The following PATJ variants were observed in gnomAD, a reference collection of about 807,000 sequenced individuals.
PATJ encodes the protein PATJ crumbs cell polarity complex component, also known as inaD-like protein.
PATJ carries 190 observed loss-of-function variants against 224.9 expected under a neutral mutation model. The observed-to-expected ratio is 0.84, with a 90% CI of 0.75 to 0.95. PATJ has a LOEUF of 0.95. Ranked by LOEUF, PATJ falls within the 40% of genes least tolerant of loss-of-function variation. The probability of loss-of-function intolerance (pLI) is 0.00; values close to 1 mark genes in which losing one functional copy is unlikely to be tolerated. For synonymous variants in PATJ, 769 were observed against 820.3 expected (o/e 0.94, Z 1.07); for missense variants, 2,121 against 2,270.3 (o/e 0.93, Z 1.34).
chr1:62,157,544 A>G lies in PATJ; in HGVS notation c.5503-3364A>G, dbSNP rs1478595201. 2.0e-5 allele frequency among the ~76,000 whole-genome samples: 3 copies of G among 148,220 alleles called. 1 individual carries two copies. The highest frequency in any genetic ancestry group is 4.5e-5 in the Non-Finnish European group (3 of 66,696). ...ATCCGGTTGAAAACTTAAAAATCCA[A>G]GCCAGGAGGGGGATGATGGCTCATG... is the stretch of plus-strand genomic sequence containing the variant. On this transcript the variant is annotated intron_variant, in intron 43 of 43. Coordinates refer to ENST00000642238, the MANE Select transcript of PATJ (RefSeq NM_001350145.3).
At chr1:61,777,199 A>T (rs1253627906) in intron 7 of PATJ, among the ~76,000 whole-genome samples, 1 of 152,186 alleles carries the variant, frequency 6.6e-6, no homozygotes, top group East Asian at 1.9e-4. Flanking sequence ...ATAAAATTTG[A>T]GCTTAAGCAA....
chr1:61,780,199 C>T (rs1249872284), intron 7 of PATJ, among the ~76,000 whole-genome samples: 3 of 152,066 alleles, frequency 2.0e-5, no homozygotes, highest in Admixed American at 6.5e-5. Context: ...TGCAGTGGCT[C>T]ATGCCTGTAA....
chr1:61,990,027 C>T (rs3762446), intron 27 of PATJ, 141 bp from the exon 28 acceptor site: 7,921 of 644,122 alleles, frequency 0.012, 201 homozygotes, highest in South Asian at 0.071. Context: ...CTCCAGTCTG[C>T]GCAATATAGC....
At chr1:61,825,873 CTTT>C (rs1054910312) in intron 15 of PATJ, among the ~76,000 whole-genome samples, 1 of 152,116 alleles carries the variant, frequency 6.6e-6, no homozygotes, top group African/African-American at 2.4e-5. Context: ...ATCTCCGTGC[CTTT>C]TTTTAGTGTA....
chr1:61,979,647 G>A (rs989340533), intron 27 of PATJ, among the ~76,000 whole-genome samples: 1 of 111,110 alleles, frequency 9.0e-6, no homozygotes, highest in African/African-American at 3.6e-5. Flanking sequence ...GGGAGACTCC[G>A]TCTCAAAAGA....
chr1:62,109,942 G>A (rs1031999878), intron 34 of PATJ, among the ~76,000 whole-genome samples: 10 of 152,014 alleles, frequency 6.6e-5, no homozygotes, highest in African/African-American at 2.2e-4. Flanking sequence ...TTTGTATTAG[G>A]TAGACCCTCT....
chr1:61,817,440 G>T (rs1240921704), intron 14 of PATJ, among the ~76,000 whole-genome samples: 1 of 152,126 alleles, frequency 6.6e-6, no homozygotes, highest in Non-Finnish European at 1.5e-5. Flanking sequence ...GAGGTGGGTG[G>T]ATCACCTGAG....
At chr1:61,852,365 TC>T (rs1662967430) in intron 17 of PATJ, 1 of 152,196 alleles carries the variant, frequency 6.6e-6, no homozygotes, top group Admixed American at 6.5e-5. Flanking sequence ...AACACAATGT[TC>T]CTTGCAGTGT....
intron 6 of PATJ, among the ~76,000 whole-genome samples, chr1:61,773,189 T>A (rs1646716396): frequency 6.6e-6 from 1 of 151,938 alleles, no homozygotes; most frequent in Non-Finnish European, 1.5e-5. Context: ...ACCCGGCTAA[T>A]TTTTTTGTAC....
intron 42 of PATJ, among the ~76,000 whole-genome samples, chr1:62,150,679 G>GAAAAAAAAAAAAAAAAAAAAAAAA (rs56167585): frequency 3.7e-5 from 3 of 82,008 alleles, no homozygotes; most frequent in African/African-American, 5.0e-5. Flanking sequence ...CCTGTCTCAA[G>GAAAAAAAAAAAAAAAAAAAAAAAA]AAAAAAAAAA....
At chr1:61,888,105 G>A (rs531405321) in intron 22 of PATJ, among the ~76,000 whole-genome samples, 83 of 152,184 alleles carry the variant, frequency 5.5e-4, no homozygotes, top group Non-Finnish European at 9.4e-4. Flanking sequence ...AAGCCAGGCC[G>A]GTATGCAGAG....
intron 4 of PATJ, 87 bp downstream of exon 4, chr1:61,766,560 G>C (rs917423607): frequency 1.2e-5 from 11 of 902,378 alleles, no homozygotes; most frequent in Non-Finnish European, 1.8e-5. Flanking sequence ...TCTTTTTGCT[G>C]TAAAATGTAT....
intron 11 of PATJ, among the ~76,000 whole-genome samples, chr1:61,799,195 G>T (rs1221822276): frequency 3.3e-5 from 5 of 151,982 alleles, no homozygotes; most frequent in African/African-American, 9.7e-5. Context: ...ATGATTTATT[G>T]ATTTATTTAT....
Position 62,160,917 on chromosome 1 carries a change from G to A in PATJ, c.5512G>A (p.Ala1838Thr). The A allele has an allele frequency of 6.2e-7, 1 of 1,613,980 alleles. No individual in the cohort carries two copies. Among genetic ancestry groups the A allele is most frequent in the Non-Finnish European group, 8.5e-7 (1 of 1,179,974 alleles). The change falls in exon 44 of 44, where the codon GCA (alanine) becomes ACA (threonine). Residue 1838 changes from alanine to threonine, a missense_variant. Coordinates refer to ENST00000642238, the MANE Select transcript of PATJ (RefSeq NM_001350145.3). ...TGTTTCTTGTTTGTAGGGAGCAGCT[G>A]CAGATGACGGCCGATTAAAACGAGG... is the stretch of plus-strand genomic sequence containing the variant. ...VKTVFAKGAA[A>T]DDGRLKRGDQ...
rs1415017669 is a variant in PATJ, at chr1:62,074,780, A to G, written c.4126-4670A>G. Among the ~76,000 whole-genome samples, 5 of 152,270 alleles carry G rather than the reference A, an allele frequency of 3.3e-5. No homozygotes were observed. The South Asian group carries it at 8.3e-4, about 25-fold the overall frequency. ...GGAGTTCGAGACCAGCCTGGCCAAC[A>G]TGGCAAAACCTCATCTCTACTAAAA... is the stretch of plus-strand genomic sequence containing the variant. On this transcript the variant is annotated intron_variant, in intron 31 of 43. Coordinates refer to ENST00000642238, the MANE Select transcript of PATJ (RefSeq NM_001350145.3).
chr1:62,153,818 A>T (rs1232313523), intron 43 of PATJ, among the ~76,000 whole-genome samples: 1 of 152,206 alleles, frequency 6.6e-6, no homozygotes, highest in Non-Finnish European at 1.5e-5. Context: ...GAACAAAAAA[A>T]AGATTTGGCT....
intron 36 of PATJ, 105 bp from the exon 37 acceptor site, chr1:62,117,027 C>T: frequency 1.1e-6 from 1 of 944,898 alleles, no homozygotes; most frequent in Non-Finnish European, 1.6e-6. Context: ...CTGTTGCTTT[C>T]ATTACCCTTT....
chr1:61,759,282 A>G (rs183244837), intron 1 of PATJ, among the ~76,000 whole-genome samples: 35 of 152,198 alleles, frequency 2.3e-4, no homozygotes, highest in Middle Eastern at 6.8e-3. Context: ...TCCTCTTCCA[A>G]TGTGGCCCAG....
At chr1:61,900,713 C>T (rs942679144) in intron 23 of PATJ, among the ~76,000 whole-genome samples, 1 of 151,942 alleles carries the variant, frequency 6.6e-6, no homozygotes, top group African/African-American at 2.4e-5. Flanking sequence ...CCTCAGCCTC[C>T]GGAGTAGCTG....
Sources: gnomAD v4.1 joint callset for allele counts (sites outside exome capture counted in the v4.1 genomes callset) on GRCh38, gnomAD v4.1.1 for gene constraint, MANE v1.5 for transcripts, NCBI Gene and HGNC (gene_info 2026-07-23, HGNC 2026-07-21) for gene names.